Variants in CHST9 observed in about 807,000 individuals in gnomAD.
CHST9 encodes carbohydrate sulfotransferase 9.
CHST9 carries 41 observed loss-of-function variants against 44.4 expected under a neutral mutation model. The observed-to-expected ratio is 0.92, with a 90% CI of 0.72 to 1.20. The LOEUF is 1.20. CHST9 is among the 50% of genes most tolerant of loss of function. CHST9 has a pLI of 0.00. For missense variants in CHST9, 504 were observed against 516.5 expected (o/e 0.98, Z 0.23); for synonymous variants, 171 against 178.4 (o/e 0.96, Z 0.33).
rs1568151279 is a variant in CHST9, at chr18:27,053,275, A to AAGAAGAAGAAGAAGAG, written c.122-4773_122-4772insCTCTTCTTCTTCTTCT. On this transcript the variant is annotated intron_variant, in intron 2 of 5. Transcript: ENST00000618847. The stretch of plus-strand genomic sequence containing the variant: ...AAGAAGAAGAAGGAGAAGGAGAAGG[A>AAGAAGAAGAAGAAGAG]GAAGGAGAAGGAGAAGGAGAAGGAG... Among the ~76,000 whole-genome samples the AAGAAGAAGAAGAAGAG allele has an allele frequency of 1.7e-4, 22 of 125,720 alleles. 1 individual carries two copies. The highest frequency in any genetic ancestry group is 5.9e-4 in the African/African-American group (19 of 32,354). 82.5% of individuals were successfully genotyped at this position (125,720 alleles called of 152,430 possible).
Position 26,917,179 on chromosome 18 carries a change from C to T in CHST9, c.412G>A (p.Gly138Arg). 6 of 1,613,884 alleles carry T rather than the reference C, an allele frequency of 3.7e-6. No individual in the cohort carries two copies. The highest frequency in any genetic ancestry group is 5.1e-6 in the Non-Finnish European group (6 of 1,179,868). ...AACTTGTTAAAAACAGTCTTAGCTCCTTGACGTTTTTCAATCAACTTCTCT... is the reference window on the plus strand; with the variant it reads ...AACTTGTTAAAAACAGTCTTAGCTCTTTGACGTTTTTCAATCAACTTCTCT... ...PTEKLIEKRQ[G>R]AKTVFNKFSN... Residue 138 changes from glycine (G) to arginine (R), a missense_variant, in exon 6 of 6, where the codon GGA (glycine) becomes AGA (arginine). Gly to Arg is a moderately radical substitution (Grantham distance 125). Transcript: ENST00000618847.
At chr18:26,972,357 CAAAAAAAAAAAAA>C (rs887066938) in intron 4 of CHST9, among the ~76,000 whole-genome samples, 11 of 65,244 alleles carry the variant, frequency 1.7e-4, no homozygotes, top group Middle Eastern at 0.016. Flanking sequence ...ACTCCAACTC[CAAAAAAAAAAAAA>C]AAAAAAAAAA....
chr18:26,932,220 A>G (rs2145088589), intron 5 of CHST9, among the ~76,000 whole-genome samples: 1 of 152,332 alleles, frequency 6.6e-6, no homozygotes, highest in South Asian at 2.1e-4. Context: ...CTGGACAACA[A>G]TGATATAAGT....
At chr18:26,924,024 C>G (rs1054428552) in intron 5 of CHST9, among the ~76,000 whole-genome samples, 11 of 151,982 alleles carry the variant, frequency 7.2e-5, no homozygotes, top group Admixed American at 7.2e-4. Flanking sequence ...TCCAGGAGGG[C>G]CTGGGCTGAT....
intron 1 of CHST9, among the ~76,000 whole-genome samples, chr18:27,183,929 A>C (rs1464493748): frequency 6.6e-6 from 1 of 152,138 alleles, no homozygotes; most frequent in Non-Finnish European, 1.5e-5. Context: ...ATAAATACTA[A>C]ATATGGTCAC....
intron 5 of CHST9, among the ~76,000 whole-genome samples, chr18:26,929,211 A>G (rs114082542): frequency 1.1e-3 from 160 of 152,304 alleles, no homozygotes; most frequent in African/African-American, 3.8e-3. Flanking sequence ...AAGACTATAT[A>G]GATCTGTGGG....
chr18:27,050,290 T>C (rs1193710770), intron 2 of CHST9, among the ~76,000 whole-genome samples: 2 of 152,166 alleles, frequency 1.3e-5, no homozygotes, highest in African/African-American at 2.4e-5. Flanking sequence ...ATCCTAAGCA[T>C]GCTTATAGAC....
At chr18:26,917,632 T>G (rs2055561829) in intron 5 of CHST9, among the ~76,000 whole-genome samples, 1 of 152,182 alleles carries the variant, frequency 6.6e-6, no homozygotes, top group African/African-American at 2.4e-5. Flanking sequence ...TCAACCATTC[T>G]GAGCATCTAT....
At chr18:27,023,441 C>G (rs1352855630) in intron 4 of CHST9, among the ~76,000 whole-genome samples, 1 of 152,142 alleles carries the variant, frequency 6.6e-6, no homozygotes, top group Non-Finnish European at 1.5e-5. Flanking sequence ...TTGAAAGCAA[C>G]ATTGTTTTAT....
intron 4 of CHST9, among the ~76,000 whole-genome samples, chr18:27,003,762 G>C (rs1203624853): frequency 1.3e-5 from 2 of 152,068 alleles, no homozygotes; most frequent in Non-Finnish European, 2.9e-5. Context: ...ACAAGCTTTT[G>C]GGAGTTTTTT....
At chr18:27,132,358 T>G (rs1312722751) in intron 2 of CHST9, among the ~76,000 whole-genome samples, 1 of 152,200 alleles carries the variant, frequency 6.6e-6, no homozygotes, top group East Asian at 1.9e-4. Flanking sequence ...AGATAACACA[T>G]TTCTGACCTC....
intron 2 of CHST9, among the ~76,000 whole-genome samples, chr18:27,106,874 T>C (rs550722265): frequency 4.6e-5 from 7 of 152,342 alleles, no homozygotes; most frequent in South Asian, 4.1e-4. Flanking sequence ...TAGATCTTTT[T>C]CATCAATAAA....
chr18:27,070,788 T>G (rs1475793037), intron 2 of CHST9, among the ~76,000 whole-genome samples: 1 of 152,226 alleles, frequency 6.6e-6, no homozygotes, highest in Non-Finnish European at 1.5e-5. Context: ...GCTGGTTTGT[T>G]CTCAGGTTTA....
At chr18:27,118,720 A>G (rs965870530) in intron 2 of CHST9, among the ~76,000 whole-genome samples, 1 of 152,228 alleles carries the variant, frequency 6.6e-6, no homozygotes, top group Non-Finnish European at 1.5e-5. Flanking sequence ...GCTGCCTTGA[A>G]ACATCATCAT....
chr18:27,179,258 C>T (rs1598783780), intron 1 of CHST9, among the ~76,000 whole-genome samples: 1 of 151,870 alleles, frequency 6.6e-6, no homozygotes, highest in Non-Finnish European at 1.5e-5. Context: ...GAAATAAGGA[C>T]CAGAAGAAGT....
intron 2 of CHST9, among the ~76,000 whole-genome samples, chr18:27,108,695 T>A (rs948510463): frequency 6.6e-6 from 1 of 152,204 alleles, no homozygotes; most frequent in African/African-American, 2.4e-5. Flanking sequence ...AAGGAAGGAA[T>A]CATGGAGATG....
At chr18:27,061,785 C>T (rs1224042445) in intron 2 of CHST9, among the ~76,000 whole-genome samples, 3 of 151,796 alleles carry the variant, frequency 2.0e-5, no homozygotes, top group African/African-American at 4.8e-5. Context: ...CACTTGTTCT[C>T]GATGAGAGCA....
chr18:27,154,435 G>C lies in CHST9; in HGVS notation c.-96-11530C>G, dbSNP rs546493443. 1.9e-4 allele frequency among the ~76,000 whole-genome samples: 29 copies of C among 152,148 alleles called. No individual in the cohort carries two copies. The South Asian group carries it at 5.8e-3, about 31-fold the overall frequency. ...TGTCTAAATTATGGTGATTACATTT[G>C]TTCTGTGGACAAGAAGAATGAATAG... On this transcript the variant is annotated intron_variant, in intron 1 of 5. Transcript: ENST00000618847.
intron 5 of CHST9, among the ~76,000 whole-genome samples, chr18:26,928,865 CTGGAGTGCAAA>C (rs1376715667): frequency 1.1e-4 from 16 of 152,236 alleles, no homozygotes; most frequent in African/African-American, 3.9e-4. Context: ...GGAAGTCTGG[CTGGAGTGCAAA>C]AGAATGTTAA....
Sources: gnomAD v4.1 joint callset for allele counts (sites outside exome capture counted in the v4.1 genomes callset) on GRCh38, gnomAD v4.1.1 for gene constraint, MANE v1.5 for transcripts, NCBI Gene and HGNC (gene_info 2026-07-23, HGNC 2026-07-21) for gene names.